CDC42SE2: variants seen among roughly 807,000 people sequenced by gnomAD.
CDC42SE2 encodes CDC42 small effector 2, also known as CDC42 small effector protein 2.
Under a neutral mutation model 11.5 loss-of-function variants are expected in CDC42SE2, and 3 were observed. The ratio of observed to expected loss-of-function variants is 0.26; its 90% CI spans 0.12 to 0.67. CDC42SE2 has a LOEUF of 0.67. Ranked by LOEUF, CDC42SE2 falls within the 30% of genes least tolerant of loss-of-function variation. The pLI is 0.80. For missense variants in CDC42SE2, 82 were observed against 106.8 expected (o/e 0.77, Z 1.02); for synonymous variants, 33 against 34.8 (o/e 0.95, Z 0.18).
At chr5:131,343,571 G>C (rs543486424) in intron 2 of CDC42SE2, among the ~76,000 whole-genome samples, 1 of 152,088 alleles carries the variant, frequency 6.6e-6, no homozygotes, top group Non-Finnish European at 1.5e-5. Flanking sequence ...AATTAGCCAG[G>C]TGTGGTGGTG....
intron 2 of CDC42SE2, among the ~76,000 whole-genome samples, chr5:131,338,102 C>G (rs573936272): frequency 1.3e-5 from 2 of 152,168 alleles, no homozygotes; most frequent in Non-Finnish European, 2.9e-5. Context: ...GGCTCCACCC[C>G]CTTCATGAAC....
chr5:131,381,602 C>T (rs564005877), intron 3 of CDC42SE2, among the ~76,000 whole-genome samples: 11 of 152,310 alleles, frequency 7.2e-5, no homozygotes, highest in Admixed American at 2.0e-4. Context: ...GGATTACAGG[C>T]GTGAGCCACC....
rs1399692017 is a variant in CDC42SE2, at chr5:131,392,390, A to G, written c.*1299A>G. 6.5e-6 allele frequency: 1 copy of G among 152,778 alleles called. No individual in the cohort carries two copies. Among genetic ancestry groups the G allele is most frequent in the Non-Finnish European group, 1.5e-5 (1 of 68,044 alleles). 9.5% of individuals were successfully genotyped at this position (152,778 alleles called of 1,614,324 possible). A position where few individuals can be genotyped will look rare whatever the true frequency, so the allele number is the denominator to read the frequency against. ...GGTAAGAGCCCATGGGATGCCAGAA[A>G]TTAACATTTCTTTGCTGCCATGGGC... On this transcript the variant is annotated 3_prime_UTR_variant, in exon 5 of 5. Transcript: ENST00000505065.
intron 1 of CDC42SE2, among the ~76,000 whole-genome samples, chr5:131,291,393 T>C (rs1757454830): frequency 6.6e-6 from 1 of 152,204 alleles, no homozygotes; most frequent in South Asian, 2.1e-4. Context: ...TTAATATTGC[T>C]TTAGAAGCTC....
At chr5:131,279,073 C>T (rs1757177264) in intron 1 of CDC42SE2, among the ~76,000 whole-genome samples, 1 of 151,990 alleles carries the variant, frequency 6.6e-6, no homozygotes, top group South Asian at 2.1e-4. Context: ...GCGTAAGCCA[C>T]CACACCTGGT....
chr5:131,247,354 C>T (rs1265216314), intron 1 of CDC42SE2, among the ~76,000 whole-genome samples: 1 of 152,164 alleles, frequency 6.6e-6, no homozygotes, highest in Non-Finnish European at 1.5e-5. Context: ...CGAGGTGGCT[C>T]ATGCCTGTAA....
chr5:131,240,066 TCATAC>T, the CDC42SE2 span, among the ~76,000 whole-genome samples: 3 of 152,240 alleles, frequency 2.0e-5, no homozygotes, highest in African/African-American at 4.8e-5. Flanking sequence ...TAGTATCAGT[TCATAC>T]ACTTTCCACT....
intron 1 of CDC42SE2, among the ~76,000 whole-genome samples, chr5:131,273,853 CT>C (rs1452800810): frequency 6.6e-6 from 1 of 152,008 alleles, no homozygotes; most frequent in Non-Finnish European, 1.5e-5. Context: ...TCTTAGCTCA[CT>C]GTGGCCTTGA....
At position 131,359,275 on chromosome 5, in the gene CDC42SE2, T is replaced by A; in HGVS notation, c.-219T>A. 1 of 572,490 alleles carries A rather than the reference T, an allele frequency of 1.7e-6. No individual in the cohort carries two copies. Among genetic ancestry groups the A allele is most frequent in the Non-Finnish European group, 3.1e-6 (1 of 321,588 alleles). 35.5% of individuals were successfully genotyped at this position (572,490 alleles called of 1,614,324 possible). On this transcript the variant is annotated 5_prime_UTR_variant, in exon 3 of 5. Coordinates refer to ENST00000505065, the MANE Select transcript of CDC42SE2 (RefSeq NM_001375635.1). ...ACCTTCGTCGTGGTTCAGAAAGGAG[T>A]CTCTGTAGAACCAGAAGCAAAGAAA...
At chr5:131,338,386 T>C (rs138657779) in intron 2 of CDC42SE2, among the ~76,000 whole-genome samples, 1 of 152,316 alleles carries the variant, frequency 6.6e-6, no homozygotes, top group Non-Finnish European at 1.5e-5. Flanking sequence ...TTATATAGCC[T>C]CACTAGAAAT....
Position 131,393,487 on chromosome 5 carries a change from C to T in CDC42SE2, c.*2396C>T, listed in dbSNP as rs1487235815. 6.6e-6 allele frequency: 1 copy of T among 152,316 alleles called. No individual in the cohort carries two copies. Among genetic ancestry groups the T allele is most frequent in the Admixed American group, 6.5e-5 (1 of 15,270 alleles). 9.4% of individuals were successfully genotyped at this position (152,316 alleles called of 1,614,324 possible). On this transcript the variant is annotated 3_prime_UTR_variant, in exon 5 of 5. Transcript: ENST00000505065. ...TTTGCAGTTTGTTTAATAACAACTT[C>T]TAAAGTAAGTTGAATTCATCCATTG...
chr5:131,270,661 C>T (rs1756974989), intron 1 of CDC42SE2, among the ~76,000 whole-genome samples: 1 of 152,188 alleles, frequency 6.6e-6, no homozygotes, highest in Admixed American at 6.5e-5. Context: ...GAGCTTTTAG[C>T]GTGATCAGAT....
intron 4 of CDC42SE2, 48 bp downstream of exon 4, chr5:131,385,692 T>C (rs1750460959): frequency 8.6e-7 from 1 of 1,166,666 alleles, no homozygotes; most frequent in Non-Finnish European, 1.3e-6. Context: ...GGCATAGTCA[T>C]ATGAAACCTG....
chr5:131,263,717 G>T (rs977784139), upstream of CDC42SE2: 4 of 151,322 alleles, frequency 2.6e-5, no homozygotes, highest in Admixed American at 2.0e-4. Context: ...GCCCGGGCCG[G>T]GGTGGGAAGG....
At chr5:131,343,166 CATAGAA>C (rs1272404056) in intron 2 of CDC42SE2, among the ~76,000 whole-genome samples, 1 of 151,676 alleles carries the variant, frequency 6.6e-6, no homozygotes, top group Non-Finnish European at 1.5e-5. Flanking sequence ...AGAAGAGTAA[CATAGAA>C]ATAGATGGGA....
intron 2 of CDC42SE2, among the ~76,000 whole-genome samples, chr5:131,319,910 G>A (rs1195578067): frequency 6.6e-6 from 1 of 151,836 alleles, no homozygotes; most frequent in Admixed American, 6.6e-5. Context: ...AATTAGCTGG[G>A]CGTGGTGGCG....
chr5:131,309,021 G>C (rs1188756659), intron 1 of CDC42SE2, among the ~76,000 whole-genome samples: 1 of 150,474 alleles, frequency 6.6e-6, no homozygotes, highest in East Asian at 2.0e-4. Flanking sequence ...CCTGTCTTGT[G>C]CCAGTTTTCA....
intron 2 of CDC42SE2, among the ~76,000 whole-genome samples, chr5:131,356,673 A>G (rs1356220334): frequency 1.3e-5 from 2 of 152,206 alleles, no homozygotes; most frequent in African/African-American, 4.8e-5. Context: ...TAATGCCAGC[A>G]CTTTGGGAGG....
chr5:131,342,291 AAAAG>A (rs1758729581), intron 2 of CDC42SE2, among the ~76,000 whole-genome samples: 1 of 151,758 alleles, frequency 6.6e-6, no homozygotes, highest in Non-Finnish European at 1.5e-5. Flanking sequence ...AAAAAAAAAA[AAAAG>A]GTAAATACCA....
Sources: allele counts gnomAD v4.1 joint callset (sites outside exome capture counted in the v4.1 genomes callset), GRCh38; gene constraint gnomAD v4.1.1; transcripts MANE v1.5; gene names NCBI Gene and HGNC (gene_info 2026-07-23, HGNC 2026-07-21).